Variants in EPB41L5 observed in about 807,000 individuals in gnomAD.
The protein encoded by EPB41L5 is erythrocyte membrane protein band 4.1 like 5.
EPB41L5 carries 55 observed loss-of-function variants against 106.6 expected under a neutral mutation model. The observed-to-expected ratio is 0.52, with a 90% CI of 0.42 to 0.65. The LOEUF is 0.65. EPB41L5 is among the 30% of genes least tolerant of loss of function. The pLI is 0.00. For synonymous variants in EPB41L5, 297 were observed against 306.7 expected (o/e 0.97, Z 0.33); for missense variants, 871 against 882.1 (o/e 0.99, Z 0.16).
At chr2:120,168,208 G>A (rs560310519) in intron 24 of EPB41L5, among the ~76,000 whole-genome samples, 140 of 152,166 alleles carry the variant, frequency 9.2e-4, no homozygotes, top group African/African-American at 3.2e-3. Context: ...CTGTATTAGC[G>A]TTTCTTTATC....
At chr2:120,130,750 T>C (rs1006947222) in intron 17 of EPB41L5, among the ~76,000 whole-genome samples, 1 of 152,232 alleles carries the variant, frequency 6.6e-6, no homozygotes, top group Non-Finnish European at 1.5e-5. Flanking sequence ...TGAGCGTTTC[T>C]TGAAAGCTCT....
At chr2:120,042,352 T>C (rs1276440598) in intron 3 of EPB41L5, among the ~76,000 whole-genome samples, 1 of 152,192 alleles carries the variant, frequency 6.6e-6, no homozygotes, top group African/African-American at 2.4e-5. Context: ...AGGATGGGGC[T>C]CCAGAATCTT....
chr2:120,094,808 T>G (rs945834033), intron 14 of EPB41L5, among the ~76,000 whole-genome samples: 2 of 152,212 alleles, frequency 1.3e-5, no homozygotes, highest in African/African-American at 4.8e-5. Context: ...TTCTTTGACT[T>G]GTTTGATTAC....
At chr2:120,067,473 T>A (rs937154169) in intron 3 of EPB41L5, among the ~76,000 whole-genome samples, 2 of 152,208 alleles carry the variant, frequency 1.3e-5, no homozygotes, top group African/African-American at 4.8e-5. Flanking sequence ...CTTAGTTGGA[T>A]GTGTGTGTCC....
rs116671397 is a variant in EPB41L5 at position 120,129,097 on chromosome 2, A to G, written c.1501+1246A>G. Among the ~76,000 whole-genome samples, 1,324 of 152,276 alleles carry G rather than the reference A, an allele frequency of 8.7e-3. 19 individuals carry two copies. The highest frequency in any genetic ancestry group is 0.03 in the African/African-American group (1,258 of 41,554). On this transcript the variant is annotated intron_variant, in intron 17 of 24. Transcript: ENST00000263713. Reference sequence around the variant, plus strand: ...GGGTGCTGTGTTCACTTTCTGGGAGATGAGATCAGTAGAAGCCCAAACCAT... The same window carrying G: ...GGGTGCTGTGTTCACTTTCTGGGAGGTGAGATCAGTAGAAGCCCAAACCAT...
chr2:120,136,082 AAGCTG>A (rs1291543361), intron 18 of EPB41L5, among the ~76,000 whole-genome samples: 1 of 151,038 alleles, frequency 6.6e-6, no homozygotes, highest in Non-Finnish European at 1.5e-5. Context: ...AAAAGTTAAA[AAGCTG>A]GGGGTGGGGG....
At chr2:120,123,401 A>G (rs1334601148) in intron 16 of EPB41L5, among the ~76,000 whole-genome samples, 1 of 720 alleles carries the variant, frequency 1.4e-3, no homozygotes, top group East Asian at 0.12. Context: ...GGAGTTGATC[A>G]CTTGTTTTAG....
At chr2:120,114,690 T>C (rs772337631) in intron 16 of EPB41L5, among the ~76,000 whole-genome samples, 2 of 152,234 alleles carry the variant, frequency 1.3e-5, no homozygotes, top group Non-Finnish European at 2.9e-5. Context: ...ATACATACTT[T>C]TGAAAATTTT....
chr2:120,144,139 T>A (rs1025268341), intron 19 of EPB41L5, among the ~76,000 whole-genome samples: 1 of 152,202 alleles, frequency 6.6e-6, no homozygotes, highest in Non-Finnish European at 1.5e-5. Context: ...AATTTTTATG[T>A]TGAAACCTAA....
rs1288412325 is a variant in EPB41L5, at chr2:120,176,892, T to C, written c.*1985T>C. 1 of 152,244 alleles carries C rather than the reference T, an allele frequency of 6.6e-6. No individual in the cohort carries two copies. The highest frequency in any genetic ancestry group is 2.4e-5 in the African/African-American group (1 of 41,464). 9.4% of individuals were successfully genotyped at this position (152,244 alleles called of 1,614,324 possible). A position where few individuals can be genotyped will look rare whatever the true frequency, so the allele number is the denominator to read the frequency against. On this transcript the variant is annotated 3_prime_UTR_variant, in exon 25 of 25. Transcript: ENST00000263713. The stretch of plus-strand genomic sequence containing the variant: ...AAATTAGGAATTAGGTAGTTGGACA[T>C]AGTCTGTGACCTTTATGTCGTTGGA...
rs575917159 is a variant in EPB41L5 at position 120,094,292 on chromosome 2, G to A, written c.1178+1016G>A. ...GTGAGCCACAGCACCAGGCCCTCCC[G>A]GATTCTCTTTTTCTTCTTGATTCAG... On this transcript the variant is annotated intron_variant, in intron 14 of 24. Coordinates refer to ENST00000263713, the MANE Select transcript of EPB41L5 (RefSeq NM_020909.4). 4.6e-5 allele frequency among the ~76,000 whole-genome samples: 7 copies of A among 152,004 alleles called. No individual in the cohort carries two copies. The East Asian group carries it at 1.4e-3, about 29-fold the overall frequency.
rs1289744512 is a variant in EPB41L5 at position 120,015,015 on chromosome 2, A to AT, written c.-9+1815dup. On this transcript the variant is annotated intron_variant, in intron 1 of 24. Transcript: ENST00000263713. ...CAACTTTTAGTGATCCATTCATATT[A>AT]TTTTTTTTTTCCATTAAAAAAAATT... Among the ~76,000 whole-genome samples the AT allele has an allele frequency of 7.8e-3, 1,142 of 146,420 alleles. 11 individuals carry two copies. The highest frequency in any genetic ancestry group is 0.026 in the African/African-American group (1,043 of 39,918).
intron 2 of EPB41L5, among the ~76,000 whole-genome samples, chr2:120,040,268 C>T (rs551099142): frequency 6.6e-5 from 10 of 152,198 alleles, no homozygotes; most frequent in African/African-American, 2.4e-4. Flanking sequence ...TTAAGAAAAA[C>T]TCACACTTGT....
chr2:120,027,646 G>A (rs1324214653), intron 2 of EPB41L5, among the ~76,000 whole-genome samples: 3 of 152,094 alleles, frequency 2.0e-5, no homozygotes, highest in African/African-American at 7.2e-5. Flanking sequence ...CTCAAGTGAT[G>A]CACCACTCAC....
intron 3 of EPB41L5, among the ~76,000 whole-genome samples, chr2:120,059,453 G>T (rs758205668): frequency 1.3e-5 from 2 of 152,022 alleles, no homozygotes; most frequent in Non-Finnish European, 2.9e-5. Context: ...ATACCAAAAG[G>T]ATGATTTTTA....
At chr2:120,129,438 A>C (rs566454547) in intron 17 of EPB41L5, among the ~76,000 whole-genome samples, 140 of 152,358 alleles carry the variant, frequency 9.2e-4, no homozygotes, top group African/African-American at 3.2e-3. Context: ...ATTTAGATTC[A>C]GCCAGAACCA....
chr2:120,136,764 A>G (rs976752871), intron 18 of EPB41L5, among the ~76,000 whole-genome samples: 2 of 152,068 alleles, frequency 1.3e-5, no homozygotes, highest in African/African-American at 4.8e-5. Flanking sequence ...ATATTATCAG[A>G]GCTACAGAGA....
chr2:120,168,406 TG>T (rs1687514303), intron 24 of EPB41L5, among the ~76,000 whole-genome samples: 1 of 152,160 alleles, frequency 6.6e-6, no homozygotes, highest in Non-Finnish European at 1.5e-5. Flanking sequence ...ACTCCTAGGG[TG>T]AGAGCCCTGA....
intron 3 of EPB41L5, among the ~76,000 whole-genome samples, chr2:120,071,513 A>G (rs1482867072): frequency 3.3e-5 from 5 of 152,222 alleles, no homozygotes; most frequent in African/African-American, 9.7e-5. Flanking sequence ...GCATCACGCT[A>G]CCTGACTTCA....
Sources: gnomAD v4.1 joint callset for allele counts (sites outside exome capture counted in the v4.1 genomes callset) on GRCh38, gnomAD v4.1.1 for gene constraint, MANE v1.5 for transcripts, NCBI Gene and HGNC (gene_info 2026-07-23, HGNC 2026-07-21) for gene names.